Variants in FRMD4B observed in about 807,000 individuals in gnomAD.
FRMD4B encodes the protein FERM domain containing 4B, also known as FERM domain-containing protein 4B.
In FRMD4B, 74 loss-of-function variants were observed where a neutral mutation model predicts 141.5. The ratio of observed to expected loss-of-function variants is 0.52; its 90% CI spans 0.43 to 0.63. The LOEUF is 0.63. Among genes scored for constraint, FRMD4B ranks in the 30% least tolerant of loss-of-function variants. The pLI is 0.00. For synonymous variants in FRMD4B, 506 were observed against 467.9 expected, an observed-to-expected ratio of 1.08 and a Z score of -1.05; for missense variants, 1,366 against 1,253.4, an observed-to-expected ratio of 1.09 and a Z score of -1.36.
intron 11 of FRMD4B, among the ~76,000 whole-genome samples, chr3:69,211,935 G>T (rs1016979442): frequency 6.6e-6 from 1 of 151,650 alleles, no homozygotes; most frequent in Non-Finnish European, 1.5e-5. Flanking sequence ...TACATTGTCT[G>T]GACATAAAAA....
chr3:69,331,421 G>A (rs1035891736), intron 1 of FRMD4B, among the ~76,000 whole-genome samples: 2 of 152,194 alleles, frequency 1.3e-5, no homozygotes, highest in Admixed American at 6.5e-5. Context: ...ACTAGCTGGT[G>A]ACTTTAGGCA....
chr3:69,258,241 C>T (rs1214794658), intron 5 of FRMD4B, among the ~76,000 whole-genome samples: 2 of 152,202 alleles, frequency 1.3e-5, no homozygotes, highest in African/African-American at 4.8e-5. Flanking sequence ...GCTGGGGTTA[C>T]AGGCGTGAGC....
chr3:69,376,692 A>G (rs1258649886), intron 1 of FRMD4B: 1 of 137,676 alleles, frequency 7.3e-6, no homozygotes, highest in East Asian at 2.2e-4. Flanking sequence ...TTATGTATGT[A>G]CATATATACA....
chr3:69,337,081 C>A (rs1005381935), intron 1 of FRMD4B, among the ~76,000 whole-genome samples: 25 of 152,144 alleles, frequency 1.6e-4, no homozygotes, highest in Non-Finnish European at 4.4e-5. Context: ...GTAACCAAAA[C>A]AGCATGGTAC....
intron 1 of FRMD4B, among the ~76,000 whole-genome samples, chr3:69,446,389 G>C (rs1224620180): frequency 6.6e-6 from 1 of 151,740 alleles, no homozygotes; most frequent in Non-Finnish European, 1.5e-5. Flanking sequence ...CTGGAGTGCA[G>C]TGGTGCGATC....
chr3:69,260,983 AATTAGCTC>A (rs1430955649), intron 5 of FRMD4B, among the ~76,000 whole-genome samples: 1 of 152,224 alleles, frequency 6.6e-6, no homozygotes, highest in Non-Finnish European at 1.5e-5. Context: ...AAAATGGACC[AATTAGCTC>A]TCTGTAAAAT....
intron 2 of FRMD4B, among the ~76,000 whole-genome samples, chr3:69,416,604 T>C (rs4855404): frequency 0.37 from 55,864 of 151,986 alleles, 10,829 homozygotes; most frequent in African/African-American, 0.48. Flanking sequence ...TACATAGGTA[T>C]ATATGTGCCA....
At chr3:69,225,924 C>A (rs895280172) in intron 7 of FRMD4B, among the ~76,000 whole-genome samples, 3 of 152,110 alleles carry the variant, frequency 2.0e-5, no homozygotes, top group African/African-American at 7.2e-5. Flanking sequence ...CCTTCCACTT[C>A]TTCCTATCTT....
intron 1 of FRMD4B, among the ~76,000 whole-genome samples, chr3:69,480,434 C>A (rs957894316): frequency 6.6e-6 from 1 of 152,128 alleles, no homozygotes; most frequent in African/African-American, 2.4e-5. Flanking sequence ...CAGACAGGAC[C>A]CTCAGCTGCC....
At chr3:69,368,781 T>C (rs994984133) in intron 1 of FRMD4B, among the ~76,000 whole-genome samples, 5 of 152,052 alleles carry the variant, frequency 3.3e-5, no homozygotes, top group African/African-American at 7.2e-5. Flanking sequence ...CCTCAGCCTC[T>C]TGAGTAGCTG....
chr3:69,303,321 C>G (rs985787481), intron 3 of FRMD4B, among the ~76,000 whole-genome samples: 1 of 150,398 alleles, frequency 6.6e-6, no homozygotes, highest in Admixed American at 6.6e-5. Context: ...ATAACCAGAC[C>G]CCATCTTAAA....
intron 1 of FRMD4B, among the ~76,000 whole-genome samples, chr3:69,472,925 C>CTTTTTTTTTTTTTTTTTTTTTTTT (rs796453101): frequency 1.1e-5 from 1 of 90,914 alleles, no homozygotes; most frequent in Non-Finnish European, 2.1e-5. Flanking sequence ...GTGAGTCTTT[C>CTTTTTTTTTTTTTTTTTTTTTTTT]TTTTTTTTTT....
At chr3:69,534,557 T>C (rs1701055822) in intron 1 of FRMD4B, among the ~76,000 whole-genome samples, 2 of 152,198 alleles carry the variant, frequency 1.3e-5, no homozygotes, top group Non-Finnish European at 2.9e-5. Flanking sequence ...ATGGGGTGAA[T>C]GCATTTGTCT....
chr3:69,362,454 A>C (rs1300430783), intron 1 of FRMD4B, among the ~76,000 whole-genome samples: 1 of 152,100 alleles, frequency 6.6e-6, no homozygotes, highest in Non-Finnish European at 1.5e-5. Context: ...GGTTAAGACA[A>C]CTATCACGAA....
At chr3:69,514,023 T>C (rs915082626) in intron 1 of FRMD4B, among the ~76,000 whole-genome samples, 1 of 152,134 alleles carries the variant, frequency 6.6e-6, no homozygotes, top group Non-Finnish European at 1.5e-5. Context: ...TTGCCAGTTC[T>C]TTTCAACATA....
At chr3:69,424,677 G>A (rs924124625) in intron 2 of FRMD4B, among the ~76,000 whole-genome samples, 1 of 152,168 alleles carries the variant, frequency 6.6e-6, no homozygotes, top group Non-Finnish European at 1.5e-5. Context: ...TAGATTGGCA[G>A]AAACAGAATT....
At chr3:69,408,272 G>T (rs963301910) in intron 2 of FRMD4B, among the ~76,000 whole-genome samples, 1 of 152,206 alleles carries the variant, frequency 6.6e-6, no homozygotes, top group Non-Finnish European at 1.5e-5. Context: ...GAAGAATCCT[G>T]AAGTCATGAG....
At position 69,396,981 on chromosome 3, in the gene FRMD4B, G is replaced by T. The variant is rs553969544; in HGVS notation, c.-1+35653C>A. ...TAAAATGTGATATATCCATATAATG[G>T]AATGTTAGCAATAAAAAGGAGTGAG... is the stretch of plus-strand genomic sequence containing the variant. On this transcript the variant is annotated intron_variant, in intron 2 of 5. Transcript: ENST00000459638. Among the ~76,000 whole-genome samples the T allele has an allele frequency of 8.0e-4, 122 of 152,206 alleles. 1 individual carries two copies. The highest frequency in any genetic ancestry group is 1.4e-3 in the Non-Finnish European group (97 of 68,012).
chr3:69,384,513 C>T (rs1357353160), intron 1 of FRMD4B, among the ~76,000 whole-genome samples: 2 of 152,206 alleles, frequency 1.3e-5, no homozygotes, highest in East Asian at 1.9e-4. Context: ...AAGACAGACA[C>T]ACTTCTGGCT....
Sources: allele counts gnomAD v4.1 joint callset (sites outside exome capture counted in the v4.1 genomes callset), GRCh38; gene constraint gnomAD v4.1.1; transcripts MANE v1.5; gene names NCBI Gene and HGNC (gene_info 2026-07-23, HGNC 2026-07-21).